Variants in CCDC180 observed in about 807,000 individuals in gnomAD.
CCDC180 encodes the protein coiled-coil domain-containing protein 180.
Under a neutral mutation model 209.2 loss-of-function variants are expected in CCDC180, and 154 were observed. That is an observed-to-expected ratio of 0.74 (90% confidence interval 0.65 to 0.84). The LOEUF (loss-of-function observed/expected upper bound fraction) is 0.84, where lower values mean the gene tolerates loss of function less well. Ranked by LOEUF, CCDC180 falls within the 40% of genes least tolerant of loss-of-function variation. The pLI, the probability that CCDC180 is intolerant of heterozygous loss-of-function variation, is 0.00. For missense variants in CCDC180, 1,874 were observed against 1,997.3 expected, an observed-to-expected ratio of 0.94 and a Z score of 1.18; for synonymous variants, 778 against 749.1, an observed-to-expected ratio of 1.04 and a Z score of -0.63.
chr9:97,322,885 A>G lies in CCDC180; in HGVS notation c.1212A>G (p.Thr404=), dbSNP rs2118618068. 1 of 1,614,100 alleles carries G rather than the reference A, an allele frequency of 6.2e-7. No individual in the cohort carries two copies. The highest frequency in any genetic ancestry group is 8.5e-7 in the Non-Finnish European group (1 of 1,180,016). Residue 404 remains threonine, a synonymous_variant, in exon 12 of 37, where the codon ACA becomes ACG. Coordinates refer to ENST00000529487, the MANE Select transcript of CCDC180 (RefSeq NM_020893.6). ...GGATCCGCCTGCTGTATGAGAAGACATGGCAGGAGTGCCTGATGCATGTGC... is the reference window on the plus strand; with the variant it reads ...GGATCCGCCTGCTGTATGAGAAGACGTGGCAGGAGTGCCTGATGCATGTGC... The part of the protein sequence containing the change: ...MMRIRLLYEK[T]WQECLMHVQN...
At chr9:97,329,284 A>T (rs902761140) in intron 16 of CCDC180, among the ~76,000 whole-genome samples, 1 of 152,258 alleles carries the variant, frequency 6.6e-6, no homozygotes, top group Non-Finnish European at 1.5e-5. Flanking sequence ...TTCATGGAAG[A>T]TAACACTAAG....
Position 97,360,062 on chromosome 9 carries a change from C to T in CCDC180, c.3444C>T (p.Cys1148=). ...KLSQRIQYLN[C]SLDRVSMTEL... is the part of the protein sequence containing the mutation. The stretch of plus-strand genomic sequence containing the variant: ...GCCAGAGGATTCAGTACCTTAACTG[C>T]AGCCTGGACAGGGTGTCCATGACTG... Residue 1148 remains cysteine, a synonymous_variant, in exon 26 of 37, where the codon TGC becomes TGT. Transcript: ENST00000529487. 1 of 1,614,026 alleles carries T rather than the reference C, an allele frequency of 6.2e-7. No individual in the cohort carries two copies. Among genetic ancestry groups the T allele is most frequent in the Non-Finnish European group, 8.5e-7 (1 of 1,179,926 alleles).
chr9:97,346,024 C>G (rs558688559), intron 19 of CCDC180, among the ~76,000 whole-genome samples: 1 of 152,048 alleles, frequency 6.6e-6, no homozygotes, highest in African/African-American at 2.4e-5. Flanking sequence ...ATCTAAAATC[C>G]ACCTGGAACT....
chr9:97,321,329 G>A (rs2118607090), intron 11 of CCDC180, among the ~76,000 whole-genome samples: 1 of 152,322 alleles, frequency 6.6e-6, no homozygotes, highest in East Asian at 1.9e-4. Flanking sequence ...TGCTCTAGAA[G>A]ATATGTAAAA....
chr9:97,339,402 C>G (rs894657688), intron 18 of CCDC180, among the ~76,000 whole-genome samples: 2 of 152,150 alleles, frequency 1.3e-5, no homozygotes, highest in African/African-American at 4.8e-5. Flanking sequence ...GATTTTATTT[C>G]TCCTTCACTT....
At chr9:97,370,561 A>C in intron 32 of CCDC180, 80 bp from the exon 33 acceptor site, 5 of 1,521,032 alleles carry the variant, frequency 3.3e-6, no homozygotes, top group Non-Finnish European at 4.5e-6. Flanking sequence ...TCTGGCCATA[A>C]TCATAATTGA....
intron 4 of CCDC180, among the ~76,000 whole-genome samples, chr9:97,312,986 T>G (rs548367142): frequency 1.3e-5 from 2 of 152,192 alleles, no homozygotes; most frequent in African/African-American, 4.8e-5. Flanking sequence ...AGAACTTTTT[T>G]TAAAAAAACA....
chr9:97,347,181 A>G lies in CCDC180; in HGVS notation c.2499-133A>G, dbSNP rs987897239. The G allele has an allele frequency of 9.8e-6, 8 of 816,136 alleles. 1 individual carries two copies. The highest frequency in any genetic ancestry group is 7.2e-5 in the South Asian group (4 of 55,468). 50.6% of individuals were successfully genotyped at this position (816,136 alleles called of 1,614,324 possible). The stretch of plus-strand genomic sequence containing the variant: ...AAAAGAGTAATGGTCCATTTACACA[A>G]TGAAATGCAATGTAGCTGGGAAATG... On this transcript the variant is annotated intron_variant, in intron 19 of 36. Transcript: ENST00000529487.
chr9:97,363,683 G>A (rs140805799), intron 28 of CCDC180: 59 of 495,722 alleles, frequency 1.2e-4, no homozygotes, highest in Non-Finnish European at 2.1e-4. Flanking sequence ...TTAAATGGGC[G>A]TGCTGTATTG....
Position 97,314,948 on chromosome 9 carries a change from T to G in CCDC180, c.795+2T>G, listed in dbSNP as rs879008793. On this transcript the variant is annotated splice_donor_variant, in intron 8 of 36. Coordinates refer to ENST00000529487, the MANE Select transcript of CCDC180 (RefSeq NM_020893.6). LOFTEE classifies it high-confidence loss of function. ...AGGCTGATAAATGAAGAAGCCATGG[T>G]GAGTGGTTTTCCTGTGCAGGGATCA... is the stretch of plus-strand genomic sequence containing the variant. The G allele has an allele frequency of 5.0e-6, 8 of 1,612,690 alleles. No individual in the cohort carries two copies. The Admixed American group carries it at 1.0e-4, about 20-fold the overall frequency.
At chr9:97,361,672 C>G in intron 26 of CCDC180, 54 bp from the exon 27 acceptor site, 1 of 1,575,322 alleles carries the variant, frequency 6.3e-7, no homozygotes, top group Non-Finnish European at 8.6e-7. Flanking sequence ...CCTGCTGCCT[C>G]GCTGGCACCT....
intron 28 of CCDC180, 65 bp downstream of exon 28, chr9:97,362,506 G>A (rs1486374466): frequency 3.2e-6 from 5 of 1,560,898 alleles, no homozygotes; most frequent in Non-Finnish European, 3.5e-6. Flanking sequence ...GGCAGGAGAT[G>A]ACCTATGGCT....
At chr9:97,344,425 A>G (rs1370186856) in intron 19 of CCDC180, among the ~76,000 whole-genome samples, 1 of 152,144 alleles carries the variant, frequency 6.6e-6, no homozygotes, top group Non-Finnish European at 1.5e-5. Context: ...TCCTTCCTCT[A>G]CCAGAGGCCA....
At chr9:97,324,059 G>A in intron 13 of CCDC180, 156 bp downstream of exon 13, 1 of 837,624 alleles carries the variant, frequency 1.2e-6, no homozygotes. Flanking sequence ...CCCTTACGCT[G>A]GCCACTCCAA....
chr9:97,330,819 A>G, intron 18 of CCDC180, 52 bp downstream of exon 18: 1 of 1,540,512 alleles, frequency 6.5e-7, no homozygotes, highest in South Asian at 1.2e-5. Flanking sequence ...TGCTATGCTC[A>G]TTTTGTGTTT....
intron 18 of CCDC180, among the ~76,000 whole-genome samples, chr9:97,336,095 T>C (rs1419808168): frequency 6.6e-6 from 1 of 152,204 alleles, no homozygotes; most frequent in Non-Finnish European, 1.5e-5. Flanking sequence ...GTCAGATGGG[T>C]AGATTGCAAA....
intron 13 of CCDC180, 154 bp downstream of exon 13, chr9:97,324,057 C>T: frequency 1.2e-6 from 1 of 844,276 alleles, no homozygotes; most frequent in Non-Finnish European, 1.8e-6. Context: ...CCCCCTTACG[C>T]TGGCCACTCC....
chr9:97,349,952 G>A (rs1161603210), intron 21 of CCDC180, among the ~76,000 whole-genome samples: 1 of 152,138 alleles, frequency 6.6e-6, no homozygotes, highest in Non-Finnish European at 1.5e-5. Context: ...CAGGGACAAA[G>A]ATCCAGTAGG....
At chr9:97,359,490 A>G (rs971526067) in intron 25 of CCDC180, among the ~76,000 whole-genome samples, 3 of 152,184 alleles carry the variant, frequency 2.0e-5, no homozygotes, top group Non-Finnish European at 4.4e-5. Context: ...TCACCGTTGC[A>G]TTCCTGCACA....
Sources: allele counts gnomAD v4.1 joint callset (sites outside exome capture counted in the v4.1 genomes callset), GRCh38; gene constraint gnomAD v4.1.1; transcripts MANE v1.5; gene names NCBI Gene and HGNC (gene_info 2026-07-23, HGNC 2026-07-21).